The following PIK3CA variants were observed in gnomAD, a reference collection of about 807,000 sequenced individuals.
PIK3CA encodes the protein phosphatidylinositol 4,5-bisphosphate 3-kinase catalytic subunit alpha isoform.
A neutral mutation model predicts 138.2 loss-of-function variants in PIK3CA; 27 were observed. The ratio of observed to expected loss-of-function variants is 0.20; its 90% CI spans 0.14 to 0.27. The LOEUF (loss-of-function observed/expected upper bound fraction) is 0.27, where lower values mean the gene tolerates loss of function less well. PIK3CA is among the 10% of genes least tolerant of loss of function. The probability of loss-of-function intolerance (pLI) is 1.00; values close to 1 mark genes in which losing one functional copy is unlikely to be tolerated. For synonymous variants in PIK3CA, 358 were observed against 413.2 expected, an observed-to-expected ratio of 0.87 and a Z score of 1.62; for missense variants, 544 against 1,277.4, an observed-to-expected ratio of 0.43 and a Z score of 8.75.
At chr3:179,178,687 G>A (rs1404032824) in intron 1 of PIK3CA, among the ~76,000 whole-genome samples, 2 of 152,268 alleles carry the variant, frequency 1.3e-5, no homozygotes, top group Middle Eastern at 3.4e-3. Context: ...GCATGATGTC[G>A]TACTCATGGC....
At chr3:179,170,933 A>G (rs1015164052) in intron 1 of PIK3CA, among the ~76,000 whole-genome samples, 3 of 152,308 alleles carry the variant, frequency 2.0e-5, no homozygotes, top group Admixed American at 1.3e-4. Flanking sequence ...GAATAAAGCA[A>G]TCAGCCAACT....
intron 15 of PIK3CA, among the ~76,000 whole-genome samples, chr3:179,224,430 A>G (rs1263214176): frequency 6.6e-6 from 1 of 152,114 alleles, no homozygotes; most frequent in African/African-American, 2.4e-5. Context: ...TTCTGTTACC[A>G]TAGGATAAGA....
At chr3:179,172,539 G>A (rs910883682) in intron 1 of PIK3CA, among the ~76,000 whole-genome samples, 1 of 150,638 alleles carries the variant, frequency 6.6e-6, no homozygotes, top group Non-Finnish European at 1.5e-5. Flanking sequence ...CAAGGCTGTA[G>A]AGTAAAAGAT....
At chr3:179,184,636 T>C (rs374941071) in intron 1 of PIK3CA, among the ~76,000 whole-genome samples, 8 of 152,244 alleles carry the variant, frequency 5.3e-5, no homozygotes, top group South Asian at 2.1e-4. Flanking sequence ...ATATATTGTA[T>C]CTGCTGGTGT....
chr3:179,201,574 T>C, intron 4 of PIK3CA, 34 bp downstream of exon 4: 1 of 1,394,098 alleles, frequency 7.2e-7, no homozygotes, highest in Non-Finnish European at 9.8e-7. Context: ...TAATTTTTAA[T>C]TTAAAAAGTA....
chr3:179,232,086 CTTTT>C (rs1305915741), intron 20 of PIK3CA, among the ~76,000 whole-genome samples: 2 of 152,064 alleles, frequency 1.3e-5, no homozygotes, highest in Non-Finnish European at 2.9e-5. Flanking sequence ...ATGATTCTTT[CTTTT>C]GTTATGCAGA....
rs2108401745 is a variant in PIK3CA, at chr3:179,210,558, C to T, written c.1532C>T (p.Ala511Val). ...SREAGFSYSH[A>V]GLSNRLARDN... ...GAAGCAGGATTTAGCTATTCCCACG[C>T]AGGACTGGTAAGGCAAATCACTGAG... The change falls in exon 9 of 21, where the codon GCA becomes GTA. Residue 511 changes from alanine to valine, a missense_variant. This residue lies in a region of PIK3CA where 52 missense variants were observed against 83.4 expected (regional missense o/e 0.62). Coordinates refer to ENST00000263967, the MANE Select transcript of PIK3CA (RefSeq NM_006218.4). 4 of 1,613,606 alleles carry T rather than the reference C, an allele frequency of 2.5e-6. No homozygotes were observed. Among genetic ancestry groups the T allele is most frequent in the Non-Finnish European group, 3.4e-6 (4 of 1,179,738 alleles).
chr3:179,170,066 A>G (rs1222760822), intron 1 of PIK3CA, among the ~76,000 whole-genome samples: 5 of 107,504 alleles, frequency 4.7e-5, no homozygotes, highest in African/African-American at 1.2e-4. Flanking sequence ...GCGCGTGCAC[A>G]CGCGCGCGCG....
At chr3:179,232,428 T>G (rs1369080766) in intron 20 of PIK3CA, among the ~76,000 whole-genome samples, 1 of 152,162 alleles carries the variant, frequency 6.6e-6, no homozygotes, top group East Asian at 1.9e-4. Flanking sequence ...GTTTTTGGCT[T>G]TATTTCTAGG....
rs200131834 is a variant in PIK3CA, at chr3:179,201,341, A to G, written c.614A>G (p.Gln205Arg). The change falls in exon 4 of 21, where the codon CAG becomes CGG. Residue 205 changes from glutamine to arginine, a missense_variant. This residue lies in a region of PIK3CA where 234 missense variants were observed against 401.3 expected (regional missense o/e 0.58). Coordinates refer to ENST00000263967, the MANE Select transcript of PIK3CA (RefSeq NM_006218.4). ...ATAGTTTCTCCAAATAATGACAAGCAGAAGTATACTCTGAAAATCAACCAT... is the reference window on the plus strand; with the variant it reads ...ATAGTTTCTCCAAATAATGACAAGCGGAAGTATACTCTGAAAATCAACCAT... ...WVIVSPNNDKQKYTLKINHDC... is the reference protein window; with the variant it reads ...WVIVSPNNDKRKYTLKINHDC... The G allele has an allele frequency of 1.9e-6, 3 of 1,613,138 alleles. No homozygotes were observed. The Admixed American group carries it at 5.0e-5, about 27-fold the overall frequency.
intron 2 of PIK3CA, 41 bp from the exon 3 acceptor site, chr3:179,199,649 A>C: frequency 7.4e-7 from 1 of 1,344,754 alleles, no homozygotes; most frequent in Non-Finnish European, 1.1e-6. Context: ...CATGCTGTGT[A>C]TGTAATAGAA....
chr3:179,183,715 T>C (rs763476949), intron 1 of PIK3CA, among the ~76,000 whole-genome samples: 8 of 152,182 alleles, frequency 5.3e-5, no homozygotes, highest in Non-Finnish European at 1.0e-4. Flanking sequence ...TCCAAGGACA[T>C]AGGCTGAGGT....
chr3:179,196,038 G>A (rs1560136006), intron 1 of PIK3CA, among the ~76,000 whole-genome samples: 1 of 152,114 alleles, frequency 6.6e-6, no homozygotes, highest in Non-Finnish European at 1.5e-5. Flanking sequence ...TTAATGAAAA[G>A]GGTGTGTCTT....
intron 1 of PIK3CA, among the ~76,000 whole-genome samples, chr3:179,185,169 T>C (rs186153050): frequency 6.6e-6 from 1 of 152,268 alleles, no homozygotes; most frequent in Admixed American, 6.5e-5. Context: ...CATTGAGCTA[T>C]ACTAGAAAGA....
intron 1 of PIK3CA, among the ~76,000 whole-genome samples, chr3:179,191,133 T>G (rs569611140): frequency 6.6e-6 from 1 of 152,324 alleles, no homozygotes; most frequent in East Asian, 1.9e-4. Flanking sequence ...GAAAGCCCTT[T>G]CTTCACTTGA....
At position 179,235,021 on chromosome 3, in the gene PIK3CA, C is replaced by CA. The variant is rs1725302997; in HGVS notation, c.*660dup. 4.9e-6 allele frequency: 1 copy of CA among 203,112 alleles called. No individual in the cohort carries two copies. Among genetic ancestry groups the CA allele is most frequent in the East Asian group, 7.4e-5 (1 of 13,474 alleles). The allele number at this position is 203,112 out of a possible 1,614,324, so 12.6% of individuals were successfully genotyped here. ...TTATCTGCAGTTTTGGAAGCAGTCACAAATGAGACCTGTTATAAGGTGGTA... is the reference window on the plus strand; with the variant it reads ...TTATCTGCAGTTTTGGAAGCAGTCACAAAATGAGACCTGTTATAAGGTGGTA... On this transcript the variant is annotated 3_prime_UTR_variant, in exon 21 of 21. Transcript: ENST00000263967.
At chr3:179,175,701 C>T (rs1723679173) in intron 1 of PIK3CA, among the ~76,000 whole-genome samples, 1 of 135,294 alleles carries the variant, frequency 7.4e-6, no homozygotes. Context: ...TAACTTCAAA[C>T]ATTTGTTGAT....
rs1490420245 is a variant in PIK3CA, at chr3:179,236,168, A to G, written c.*1804A>G. The G allele has an allele frequency of 2.9e-5, 6 of 204,762 alleles. No individual in the cohort carries two copies. The highest frequency in any genetic ancestry group is 6.0e-5 in the Non-Finnish European group (6 of 100,082). The allele number at this position is 204,762 out of a possible 1,614,324, so 12.7% of individuals were successfully genotyped here. On this transcript the variant is annotated 3_prime_UTR_variant, in exon 21 of 21. Coordinates refer to ENST00000263967, the MANE Select transcript of PIK3CA (RefSeq NM_006218.4). ...AAGGGACTCTAATACCAATACTCTT[A>G]ATATCTGGCTATTTTAGATCCCTTA...
chr3:179,199,661 G>A (rs911394738), intron 2 of PIK3CA, 29 bp from the exon 3 acceptor site: 19 of 1,469,178 alleles, frequency 1.3e-5, no homozygotes, highest in Admixed American at 1.2e-4. Context: ...GTAATAGAAT[G>A]TTATATTCTT....
Sources: gnomAD v4.1 joint callset for allele counts (sites outside exome capture counted in the v4.1 genomes callset) on GRCh38, gnomAD v4.1.1 for gene constraint, gnomAD v4.1.1 regional missense constraint, MANE v1.5 for transcripts, NCBI Gene and HGNC (gene_info 2026-07-23, HGNC 2026-07-21) for gene names.